UBE2E2: variants seen among roughly 807,000 people sequenced by gnomAD.
UBE2E2 encodes the protein ubiquitin-conjugating enzyme E2 E2.
In UBE2E2, 6 loss-of-function variants were observed where a neutral mutation model predicts 24.7. The observed-to-expected ratio is 0.24, with a 90% CI of 0.13 to 0.48. The LOEUF is 0.48. Ranked by LOEUF, UBE2E2 falls within the 20% of genes least tolerant of loss-of-function variation. UBE2E2 has a pLI of 0.99. For synonymous variants in UBE2E2, 104 were observed against 83.6 expected, an observed-to-expected ratio of 1.24 and a Z score of -1.33; for missense variants, 169 against 245.0, an observed-to-expected ratio of 0.69 and a Z score of 2.07.
chr3:23,557,169 T>C (rs781250579), intron 5 of UBE2E2, among the ~76,000 whole-genome samples: 20 of 152,264 alleles, frequency 1.3e-4, no homozygotes, highest in Non-Finnish European at 2.1e-4. Context: ...TTTGTGTTGG[T>C]GGTGGACTAA....
chr3:23,458,028 C>T (rs1008945094), intron 3 of UBE2E2, among the ~76,000 whole-genome samples: 12 of 152,132 alleles, frequency 7.9e-5, no homozygotes, highest in Admixed American at 4.6e-4. Flanking sequence ...CATGCAAGAA[C>T]TTCTCTTTTG....
intron 3 of UBE2E2, among the ~76,000 whole-genome samples, chr3:23,431,837 G>T (rs1401248386): frequency 6.6e-6 from 1 of 152,108 alleles, no homozygotes; most frequent in East Asian, 1.9e-4. Flanking sequence ...ATATTTAGGG[G>T]TTAAAATTAA....
At chr3:23,496,194 A>C (rs900595778) in intron 3 of UBE2E2, among the ~76,000 whole-genome samples, 1 of 152,210 alleles carries the variant, frequency 6.6e-6, no homozygotes, top group South Asian at 2.1e-4. Flanking sequence ...CACATTGTAC[A>C]TATGCAGCAA....
At chr3:23,281,476 A>C (rs1023985773) in intron 3 of UBE2E2, among the ~76,000 whole-genome samples, 5 of 152,178 alleles carry the variant, frequency 3.3e-5, no homozygotes, top group Non-Finnish European at 7.3e-5. Context: ...ACAAAAAATA[A>C]AATAAAATAA....
At chr3:23,215,793 G>A (rs946816390) in intron 2 of UBE2E2, among the ~76,000 whole-genome samples, 3 of 152,194 alleles carry the variant, frequency 2.0e-5, no homozygotes, top group African/African-American at 4.8e-5. Context: ...AGAGGTGAAA[G>A]TGTGTGTGCC....
At chr3:23,263,295 A>G (rs1188112204) in intron 3 of UBE2E2, among the ~76,000 whole-genome samples, 5 of 152,240 alleles carry the variant, frequency 3.3e-5, no homozygotes, top group Non-Finnish European at 5.9e-5. Context: ...TGATGTTTAT[A>G]TGTGAGAGCC....
At chr3:23,529,421 CAACTGTACATG>C (rs151334953) in intron 4 of UBE2E2, among the ~76,000 whole-genome samples, 43,196 of 151,902 alleles carry the variant, frequency 0.28, 6,472 homozygotes, top group African/African-American at 0.37. Context: ...TTATTTCTTA[CAACTGTACATG>C]AATCTACAAT....
At chr3:23,436,001 C>T (rs1034159287) in intron 3 of UBE2E2, among the ~76,000 whole-genome samples, 3 of 152,116 alleles carry the variant, frequency 2.0e-5, no homozygotes, top group Admixed American at 6.5e-5. Context: ...ATACCTCGCA[C>T]GCACAGTTCA....
Position 23,559,443 on chromosome 3 carries a change from A to G in UBE2E2, c.508+26742A>G, listed in dbSNP as rs73141813. Among the ~76,000 whole-genome samples the G allele has an allele frequency of 4.4e-3, 673 of 152,244 alleles. 5 individuals are homozygous for G. Among genetic ancestry groups the G allele is most frequent in the Middle Eastern group, 0.01 (3 of 294 alleles). Reference sequence around the variant, plus strand: ...TTCTCTATCAGAAAGACTATACTAGAGATTTGAACTTCGTACAAGTGAGAA... The same window carrying G: ...TTCTCTATCAGAAAGACTATACTAGGGATTTGAACTTCGTACAAGTGAGAA... On this transcript the variant is annotated intron_variant, in intron 5 of 5. Transcript: ENST00000396703.
rs138423131 is a variant in UBE2E2, at chr3:23,549,153, A to G, written c.508+16452A>G. On this transcript the variant is annotated intron_variant, in intron 5 of 5. Coordinates refer to ENST00000396703, the MANE Select transcript of UBE2E2 (RefSeq NM_152653.4). ...GCACTGCCAAAGCAGTATCATGCAC[A>G]TAGCATAATAATCTCATTTTGATGT... Among the ~76,000 whole-genome samples the G allele has an allele frequency of 1.6e-3, 245 of 152,360 alleles. 5 individuals are homozygous for G. Among genetic ancestry groups the G allele is most frequent in the East Asian group, 0.015 (77 of 5,184 alleles).
At chr3:23,204,441 G>C (rs771495096) in intron 1 of UBE2E2, among the ~76,000 whole-genome samples, 23 of 151,980 alleles carry the variant, frequency 1.5e-4, no homozygotes, top group Non-Finnish European at 2.8e-4. Context: ...GAAGTGCTAG[G>C]GTTTACCCTC....
intron 5 of UBE2E2, among the ~76,000 whole-genome samples, chr3:23,577,305 T>C (rs1260306664): frequency 6.6e-6 from 1 of 150,770 alleles, no homozygotes; most frequent in Non-Finnish European, 1.5e-5. Flanking sequence ...TACAAAGTGC[T>C]ACTTTGATGA....
intron 3 of UBE2E2, among the ~76,000 whole-genome samples, chr3:23,444,060 G>GTT (rs1359491293): frequency 0.01 from 1,258 of 125,556 alleles, 30 homozygotes; most frequent in African/African-American, 0.035. Context: ...TTCTTCACCA[G>GTT]TTTTGTTTTT....
chr3:23,213,267 A>G (rs1190608015), intron 2 of UBE2E2, among the ~76,000 whole-genome samples: 1 of 152,102 alleles, frequency 6.6e-6, no homozygotes, highest in East Asian at 1.9e-4. Flanking sequence ...GTACATATAC[A>G]CTGCTTCATT....
At chr3:23,564,759 A>T (rs936078092) in intron 5 of UBE2E2, among the ~76,000 whole-genome samples, 1 of 152,186 alleles carries the variant, frequency 6.6e-6, no homozygotes, top group Middle Eastern at 3.2e-3. Context: ...CCAAGAAGCC[A>T]GGTTTCTACA....
chr3:23,539,663 G>A (rs1575694055), intron 5 of UBE2E2, among the ~76,000 whole-genome samples: 1 of 152,236 alleles, frequency 6.6e-6, no homozygotes, highest in East Asian at 1.9e-4. Flanking sequence ...CCTTAGAGTG[G>A]GAATCTGTGG....
At chr3:23,518,967 G>A (rs1041545180) in intron 4 of UBE2E2, among the ~76,000 whole-genome samples, 2 of 152,106 alleles carry the variant, frequency 1.3e-5, no homozygotes, top group South Asian at 2.1e-4. Flanking sequence ...ATTTGAGAAC[G>A]AACATCATAT....
chr3:23,411,048 G>A (rs1232122626), intron 3 of UBE2E2, among the ~76,000 whole-genome samples: 1 of 152,064 alleles, frequency 6.6e-6, no homozygotes, highest in Non-Finnish European at 1.5e-5. Flanking sequence ...GATAACTGCA[G>A]AATACTATAA....
At chr3:23,401,353 A>C (rs1697217579) in intron 3 of UBE2E2, among the ~76,000 whole-genome samples, 1 of 152,226 alleles carries the variant, frequency 6.6e-6, no homozygotes, top group South Asian at 2.1e-4. Flanking sequence ...GACTCACTTT[A>C]TGCCAAATAC....
Sources: gnomAD v4.1 joint callset for allele counts (sites outside exome capture counted in the v4.1 genomes callset) on GRCh38, gnomAD v4.1.1 for gene constraint, MANE v1.5 for transcripts, NCBI Gene and HGNC (gene_info 2026-07-23, HGNC 2026-07-21) for gene names.